The following KCNAB2 variants were observed in gnomAD, a reference collection of about 807,000 sequenced individuals.
The protein encoded by KCNAB2 is voltage-gated potassium channel subunit beta-2.
Under a neutral mutation model 63.6 loss-of-function variants are expected in KCNAB2, and 29 were observed. The ratio of observed to expected loss-of-function variants is 0.46; its 90% CI spans 0.34 to 0.62. The LOEUF (loss-of-function observed/expected upper bound fraction) is 0.62, where lower values mean the gene tolerates loss of function less well. KCNAB2 is among the 20% of genes least tolerant of loss of function. The pLI, the probability that KCNAB2 is intolerant of heterozygous loss-of-function variation, is 0.01. For missense variants in KCNAB2, 359 were observed against 563.9 expected (o/e 0.64, Z 3.68); for synonymous variants, 222 against 224.2 (o/e 0.99, Z 0.09).
chr1:6,088,958 A>G (rs1442950373), intron 7 of KCNAB2, 50 bp from the exon 8 acceptor site: 14 of 1,532,842 alleles, frequency 9.1e-6, no homozygotes, highest in Middle Eastern at 1.7e-4. Context: ...GGGAGGGGCC[A>G]GGGTGCCAAA....
At chr1:6,053,382 G>C (rs1000587588) in intron 2 of KCNAB2, among the ~76,000 whole-genome samples, 1 of 152,208 alleles carries the variant, frequency 6.6e-6, no homozygotes, top group African/African-American at 2.4e-5. Flanking sequence ...TGGCCTGGGG[G>C]TGTGGGGGGC....
chr1:6,054,701 C>G lies in KCNAB2; in HGVS notation c.218+2947C>G, dbSNP rs150447918. ...TTCCCATTGGTTACCTGGTGTACAT[C>G]TTATGTAAATGAAGTAGTGGCCTGT... On this transcript the variant is annotated intron_variant, in intron 2 of 15. Transcript: ENST00000378083. Among the ~76,000 whole-genome samples, 213 of 152,212 alleles carry G rather than the reference C, an allele frequency of 1.4e-3. 1 individual carries two copies. Among genetic ancestry groups the G allele is most frequent in the African/African-American group, 5.0e-3 (206 of 41,504 alleles).
intron 2 of KCNAB2, chr1:6,040,662 T>C: frequency 1.3e-6 from 2 of 1,532,088 alleles, no homozygotes; most frequent in South Asian, 2.2e-5. Context: ...CCCTGCCCCC[T>C]CACCCAGGCC....
rs1376757726 is a variant in KCNAB2 at position 6,022,325 on chromosome 1, G to A, written c.-52-18192G>A. Among the ~76,000 whole-genome samples, 2 of 151,938 alleles carry A rather than the reference G, an allele frequency of 1.3e-5. 1 individual carries two copies. The highest frequency in any genetic ancestry group is 3.9e-4 in the East Asian group (2 of 5,190). On this transcript the variant is annotated intron_variant, in intron 1 of 16. Coordinates refer to the KCNAB2 transcript ENST00000341524. ...TGAGTGTATGGCTCAGTGGTATTGAGTGTACAGTTCATTGGTATTGAGTGT... is the reference window on the plus strand; with the variant it reads ...TGAGTGTATGGCTCAGTGGTATTGAATGTACAGTTCATTGGTATTGAGTGT...
At chr1:6,030,892 G>A (rs951248236), upstream of KCNAB2, among the ~76,000 whole-genome samples, 28 of 151,176 alleles carry the variant, frequency 1.9e-4, no homozygotes, top group Admixed American at 4.6e-4. Flanking sequence ...ATGTGTAGGT[G>A]TGTGTATGTG....
chr1:6,016,236 T>TC (rs1302519678), intron 1 of KCNAB2, among the ~76,000 whole-genome samples: 1 of 151,974 alleles, frequency 6.6e-6, no homozygotes, highest in East Asian at 1.9e-4. Flanking sequence ...CCAAGCAGGG[T>TC]CCCCCAGACC....
Position 6,091,269 on chromosome 1 carries a change from C to A in KCNAB2, c.608C>A (p.Pro203Gln). 1 of 1,533,310 alleles carries A rather than the reference C, an allele frequency of 6.5e-7. No individual in the cohort carries two copies. Among genetic ancestry groups the A allele is most frequent in the Non-Finnish European group, 8.7e-7 (1 of 1,144,388 alleles). The allele number at this position is 1,533,310 out of a possible 1,614,324, so 95.0% of individuals were successfully genotyped here. Reference sequence around the variant, plus strand: ...ATCTTTCTTCTATCACCAGGGGACCCATTTAGTTCCTCCAAGTCAAGGACA... The same window carrying A: ...ATCTTTCTTCTATCACCAGGGGACCAATTTAGTTCCTCCAAGTCAAGGACA... ...PDPNTPMEGD[P>Q]FSSSKSRTFI... Residue 203 changes from proline (P) to glutamine (Q), a missense_variant, in exon 10 of 16, where the codon CCA (proline) becomes CAA (glutamine). By Grantham distance (76) the Pro-to-Gln change is moderately conservative. Around this residue, in one of 2 missense-constraint regions of KCNAB2, gnomAD observed 271 missense variants for 476.1 expected, o/e 0.57. Coordinates refer to ENST00000378083, the MANE Select transcript of KCNAB2 (RefSeq NM_001199862.2).
rs1163294438 is a variant in KCNAB2, at chr1:6,024,062, C to A, written c.-52-16455C>A. ...GTTCAAGCAATTCTCCTGCCTCAGC[C>A]TTCCGAGTAGCTGGGATTACAGGCG... On this transcript the variant is annotated intron_variant, in intron 1 of 16. Transcript: ENST00000341524. The surrounding 1 kb of genome is among the most constrained non-coding windows in gnomAD (Gnocchi z 5.4). Among the ~76,000 whole-genome samples the A allele has an allele frequency of 6.6e-6, 1 of 152,088 alleles. No homozygotes were observed. Among genetic ancestry groups the A allele is most frequent in the Admixed American group, 6.6e-5 (1 of 15,254 alleles).
At chr1:6,066,223 G>A (rs1314269888) in intron 2 of KCNAB2, among the ~76,000 whole-genome samples, 1 of 152,242 alleles carries the variant, frequency 6.6e-6, no homozygotes, top group African/African-American at 2.4e-5. Flanking sequence ...TGTCGGTGCA[G>A]AGCCTCCCGT....
In KCNAB2 at chr1:6,073,056, A is replaced by T. The variant is rs1030457046; in HGVS notation, c.262+258A>T. Among the ~76,000 whole-genome samples, 4 of 152,056 alleles carry T rather than the reference A, an allele frequency of 2.6e-5. No individual in the cohort carries two copies. The highest frequency in any genetic ancestry group is 2.1e-4 in the South Asian group (1 of 4,826). On this transcript the variant is annotated intron_variant, in intron 3 of 15. Transcript: ENST00000378083. The surrounding 1 kb of genome is among the most constrained non-coding windows in gnomAD (Gnocchi z 5.7). ...TGAGGCGGATACTAGGGGCCCCTCCACACATGGTCCCCACCCCACACCACA... is the reference window on the plus strand; with the variant it reads ...TGAGGCGGATACTAGGGGCCCCTCCTCACATGGTCCCCACCCCACACCACA...
At chr1:6,019,068 G>A (rs1337277745) in intron 1 of KCNAB2, among the ~76,000 whole-genome samples, 2 of 152,158 alleles carry the variant, frequency 1.3e-5, no homozygotes, top group African/African-American at 4.8e-5. Context: ...GAGGCAAGAG[G>A]ACAGTGTAAG....
upstream of KCNAB2, among the ~76,000 whole-genome samples, chr1:6,031,945 C>A (rs550216910): frequency 3.3e-5 from 5 of 152,220 alleles, no homozygotes; most frequent in African/African-American, 1.2e-4. The surrounding 1 kb of genome is among the most constrained non-coding windows in gnomAD (Gnocchi z 4.1). Context: ...AACTGCCAGC[C>A]CTAAATCTCA....
rs549444867 is a variant in KCNAB2, at chr1:6,071,578, C to T, written c.219-1177C>T. Among the ~76,000 whole-genome samples the T allele has an allele frequency of 3.9e-5, 6 of 152,200 alleles. No homozygotes were observed. Among genetic ancestry groups the T allele is most frequent in the Non-Finnish European group, 7.4e-5 (5 of 68,026 alleles). On this transcript the variant is annotated intron_variant, in intron 2 of 15. Coordinates refer to ENST00000378083, the MANE Select transcript of KCNAB2 (RefSeq NM_001199862.2). This position sits in a 1 kb window ranked among gnomAD's most constrained non-coding sequence, Gnocchi z 8.5. ...GCCTGGGTGGGATCCAGCTCCTCCG[C>T]GTGCTGGGCAGGTATCGTAACGTGG...
intron 1 of KCNAB2, among the ~76,000 whole-genome samples, chr1:6,049,762 G>A (rs981849868): frequency 4.6e-5 from 7 of 152,234 alleles, no homozygotes; most frequent in Admixed American, 2.6e-4. Flanking sequence ...CATGCAACAG[G>A]CATTTGTAGG....
intron 1 of KCNAB2, among the ~76,000 whole-genome samples, chr1:6,000,585 C>T (rs1365062337): frequency 2.0e-5 from 3 of 151,846 alleles, no homozygotes. Context: ...AGGAGTGAAC[C>T]CCACCCCCCG....
In KCNAB2 at chr1:6,096,785, G is replaced by A. The variant is rs766333711; in HGVS notation, c.1069+29G>A. The A allele has an allele frequency of 7.8e-6, 12 of 1,536,636 alleles. 1 individual carries two copies. In the South Asian group the frequency reaches 9.6e-5, roughly 12 times the overall value. On this transcript the variant is annotated intron_variant, in intron 14 of 15. Coordinates refer to ENST00000378083, the MANE Select transcript of KCNAB2 (RefSeq NM_001199862.2). The surrounding 1 kb of genome is among the most constrained non-coding windows in gnomAD (Gnocchi z 5.9). ...ACGGTGGGGTCGCCATGGGGCCAGT[G>A]CCCCTGGGGAGAACCTGCCCCAGCT...
intron 10 of KCNAB2, 121 bp downstream of exon 10, chr1:6,091,428 A>G (rs867843578): frequency 6.8e-6 from 5 of 734,816 alleles, no homozygotes; most frequent in South Asian, 5.2e-5. Context: ...ATGCATAAAG[A>G]GGGGAAAGAG....
At chr1:6,049,817 A>G (rs1466238580) in intron 1 of KCNAB2, among the ~76,000 whole-genome samples, 1 of 152,268 alleles carries the variant, frequency 6.6e-6, no homozygotes, top group African/African-American at 2.4e-5. Context: ...CAGGGCAGAC[A>G]TGAATGAAGG....
intron 2 of KCNAB2, among the ~76,000 whole-genome samples, chr1:6,060,919 A>T (rs1161846130): frequency 6.6e-6 from 1 of 151,784 alleles, no homozygotes; most frequent in Non-Finnish European, 1.5e-5. Context: ...AAAAAAAAAA[A>T]AAAGCCATAT....
Sources: allele counts gnomAD v4.1 joint callset (sites outside exome capture counted in the v4.1 genomes callset), GRCh38; gene constraint gnomAD v4.1.1; regional missense constraint gnomAD v4.1.1; non-coding constraint Gnocchi (gnomAD v3.1); transcripts MANE v1.5; gene names NCBI Gene and HGNC (gene_info 2026-07-23, HGNC 2026-07-21).